Variants in FBXW7 observed in about 807,000 individuals in gnomAD.
FBXW7 encodes F-box/WD repeat-containing protein 7.
Under a neutral mutation model 86.3 loss-of-function variants are expected in FBXW7, and 11 were observed. The observed-to-expected ratio is 0.13, with a 90% CI of 0.08 to 0.21. The LOEUF is 0.21. Among genes scored for constraint, FBXW7 ranks in the 10% least tolerant of loss-of-function variants. The pLI is 1.00. For missense variants in FBXW7, 488 were observed against 847.4 expected, an observed-to-expected ratio of 0.58 and a Z score of 5.27; for synonymous variants, 313 against 297.9, an observed-to-expected ratio of 1.05 and a Z score of -0.52.
chr4:152,493,565 G>A (rs1165351625), intron 2 of FBXW7, among the ~76,000 whole-genome samples: 1 of 152,142 alleles, frequency 6.6e-6, no homozygotes, highest in Non-Finnish European at 1.5e-5. Context: ...CAGTACGTCA[G>A]AACACGACTG....
At chr4:152,468,508 A>G (rs1743656164) in intron 2 of FBXW7, among the ~76,000 whole-genome samples, 1 of 152,180 alleles carries the variant, frequency 6.6e-6, no homozygotes, top group African/African-American at 2.4e-5. Context: ...CAAAAGGACA[A>G]ATATTTTATG....
intron 4 of FBXW7, among the ~76,000 whole-genome samples, chr4:152,383,541 C>CA (rs1262841359): frequency 6.6e-6 from 1 of 152,164 alleles, no homozygotes; most frequent in Non-Finnish European, 1.5e-5. Context: ...TCACAGTGCT[C>CA]AATCAACTAT....
intron 4 of FBXW7, among the ~76,000 whole-genome samples, chr4:152,383,048 T>C (rs1300376397): frequency 2.0e-5 from 3 of 152,188 alleles, no homozygotes; most frequent in Admixed American, 2.0e-4. Context: ...TAGCTATTAA[T>C]ACACACTTCA....
intron 2 of FBXW7, among the ~76,000 whole-genome samples, chr4:152,430,796 G>T (rs1488224142): frequency 6.6e-6 from 1 of 152,080 alleles, no homozygotes; most frequent in Non-Finnish European, 1.5e-5. Context: ...TATATATCTT[G>T]CAAAGGTCTA....
At chr4:152,421,962 A>G (rs1560877860) in intron 2 of FBXW7, among the ~76,000 whole-genome samples, 2 of 152,186 alleles carry the variant, frequency 1.3e-5, no homozygotes, top group Non-Finnish European at 2.9e-5. Flanking sequence ...TATAATAATA[A>G]TGAAAAAGAT....
chr4:152,403,499 G>A (rs1328664897), intron 4 of FBXW7, among the ~76,000 whole-genome samples: 1 of 150,696 alleles, frequency 6.6e-6, no homozygotes, highest in Non-Finnish European at 1.5e-5. Flanking sequence ...AAAAAGAATT[G>A]TGTTTTAAAA....
chr4:152,422,361 G>A (rs1482780812), intron 2 of FBXW7, among the ~76,000 whole-genome samples: 1 of 152,176 alleles, frequency 6.6e-6, no homozygotes, highest in Admixed American at 6.5e-5. Flanking sequence ...CCATTATGTA[G>A]TTGTAAGCGC....
At position 152,518,953 on chromosome 4, in the gene FBXW7, A is replaced by T. The variant is rs192522119; in HGVS notation, c.-120+15988T>A. On this transcript the variant is annotated intron_variant, in intron 2 of 13. Transcript: ENST00000281708. ...AAGTATGTAAAAGAAGAAAAAATAA[A>T]TTTTTTTTAAATTACAAACACCAAA... Among the ~76,000 whole-genome samples, 55 of 152,234 alleles carry T rather than the reference A, an allele frequency of 3.6e-4. No individual in the cohort carries two copies. The East Asian group carries it at 7.7e-3, about 21-fold the overall frequency.
intron 2 of FBXW7, among the ~76,000 whole-genome samples, chr4:152,485,276 T>C (rs575004558): frequency 1.5e-4 from 23 of 152,200 alleles, no homozygotes; most frequent in African/African-American, 5.3e-4. Context: ...TTAGAAAAAG[T>C]TTCAAATTGC....
intron 6 of FBXW7, among the ~76,000 whole-genome samples, chr4:152,338,789 A>C (rs1730419657): frequency 6.6e-6 from 1 of 152,152 alleles, no homozygotes; most frequent in Non-Finnish European, 1.5e-5. Flanking sequence ...ATAATACTTA[A>C]ATGAAAGAAC....
intron 2 of FBXW7, among the ~76,000 whole-genome samples, chr4:152,522,229 T>G (rs1749090105): frequency 6.6e-6 from 1 of 152,164 alleles, no homozygotes; most frequent in Admixed American, 6.5e-5. Flanking sequence ...CCTCTATTCA[T>G]AATACACTTT....
At chr4:152,348,916 A>G (rs541987673) in intron 5 of FBXW7, 1 of 158,250 alleles carries the variant, frequency 6.3e-6, no homozygotes, top group Admixed American at 6.5e-5. Context: ...GGGACAGTTA[A>G]CATAAGAAAA....
chr4:152,432,218 A>G (rs1446839563), intron 2 of FBXW7, among the ~76,000 whole-genome samples: 2 of 152,144 alleles, frequency 1.3e-5, no homozygotes, highest in Non-Finnish European at 1.5e-5. Context: ...GAAAACTGTC[A>G]CCTTGCCTGT....
chr4:152,428,877 T>C (rs995193979), intron 2 of FBXW7, among the ~76,000 whole-genome samples: 6 of 152,226 alleles, frequency 3.9e-5, no homozygotes, highest in Admixed American at 1.3e-4. Flanking sequence ...AAGTATAGAT[T>C]GTACTTAACA....
intron 2 of FBXW7, among the ~76,000 whole-genome samples, chr4:152,519,249 G>T (rs1194249112): frequency 6.6e-6 from 1 of 152,070 alleles, no homozygotes; most frequent in African/African-American, 2.4e-5. Flanking sequence ...AGTGAGCCAA[G>T]ATCACACCAC....
chr4:152,348,700 T>C (rs1001795180), intron 5 of FBXW7: 7 of 1,183,494 alleles, frequency 5.9e-6, no homozygotes, highest in African/African-American at 1.6e-5. Context: ...GCCATATTAA[T>C]AGAAGACTGA....
chr4:152,473,384 G>A (rs1297780053), intron 2 of FBXW7, among the ~76,000 whole-genome samples: 2 of 152,194 alleles, frequency 1.3e-5, no homozygotes, highest in Non-Finnish European at 2.9e-5. Flanking sequence ...AGATAGCCAA[G>A]CCAGGCATTC....
intron 2 of FBXW7, among the ~76,000 whole-genome samples, chr4:152,495,626 A>T (rs1258265285): frequency 6.6e-6 from 1 of 152,142 alleles, no homozygotes; most frequent in Non-Finnish European, 1.5e-5. Flanking sequence ...CCTTTGACTC[A>T]TATGTAGGGA....
intron 2 of FBXW7, among the ~76,000 whole-genome samples, chr4:152,511,038 A>ATTT (rs774650775): frequency 7.1e-6 from 1 of 140,648 alleles, no homozygotes; most frequent in Non-Finnish European, 1.6e-5. Flanking sequence ...ACCACGGTTA[A>ATTT]TTTTTTTTTT....
Sources: allele counts gnomAD v4.1 joint callset (sites outside exome capture counted in the v4.1 genomes callset), GRCh38; gene constraint gnomAD v4.1.1; transcripts MANE v1.5; gene names NCBI Gene and HGNC (gene_info 2026-07-23, HGNC 2026-07-21).